Variants in MOB1B observed in about 807,000 individuals in gnomAD.
MOB1B encodes the protein MOB1 Mps One Binder homolog B.
Under a neutral mutation model 24.4 loss-of-function variants are expected in MOB1B, and 19 were observed. The observed-to-expected ratio is 0.78, with a 90% CI of 0.54 to 1.14. The LOEUF (loss-of-function observed/expected upper bound fraction) is 1.14, where lower values mean the gene tolerates loss of function less well. Among genes scored for constraint, MOB1B ranks in the 50% most tolerant of loss-of-function variants. The pLI, the probability that MOB1B is intolerant of heterozygous loss-of-function variation, is 0.00. For missense variants in MOB1B, 243 were observed against 259.6 expected (o/e 0.94, Z 0.44); for synonymous variants, 76 against 82.1 (o/e 0.93, Z 0.40).
intron 1 of MOB1B, among the ~76,000 whole-genome samples, chr4:70,933,923 A>T (rs1053768741): frequency 1.3e-5 from 2 of 151,354 alleles, no homozygotes; most frequent in African/African-American, 2.4e-5. Flanking sequence ...GCAGTGGCTC[A>T]CGCCTGTAAT....
chr4:70,929,765 C>T (rs1161434655), intron 1 of MOB1B, among the ~76,000 whole-genome samples: 4 of 152,140 alleles, frequency 2.6e-5, no homozygotes, highest in Non-Finnish European at 4.4e-5. Flanking sequence ...CCTGCCTCAG[C>T]CTCCCGAGTA....
rs544490596 is a variant in MOB1B at position 70,940,837 on chromosome 4, C to T, written c.15-18037C>T. Among the ~76,000 whole-genome samples the T allele has an allele frequency of 3.4e-3, 513 of 152,058 alleles. 5 individuals carry two copies. Among genetic ancestry groups the T allele is most frequent in the Middle Eastern group, 6.8e-3 (2 of 292 alleles). On this transcript the variant is annotated intron_variant, in intron 1 of 5. Transcript: ENST00000309395. ...GATTACAGGCATGCACCACCACGCC[C>T]GGCTAATTTTGTATTTTTAGTAGAG...
intron 4 of MOB1B, among the ~76,000 whole-genome samples, chr4:70,977,033 G>C (rs1739035302): frequency 1.3e-5 from 2 of 151,644 alleles, no homozygotes; most frequent in African/African-American, 4.9e-5. Flanking sequence ...TTCCTAAACT[G>C]TTTGAGAGTA....
rs573821634 is a variant in MOB1B at position 70,959,638 on chromosome 4, C to G, written c.181+598C>G. Among the ~76,000 whole-genome samples the G allele has an allele frequency of 1.8e-4, 27 of 152,318 alleles. No homozygotes were observed. In the South Asian group the frequency reaches 4.4e-3, roughly 25 times the overall value. ...TGTCAAACACTGTATAGACATACCA[C>G]TCTCCTTTCTACGTGGATGATTTTA... is the stretch of plus-strand genomic sequence containing the variant. On this transcript the variant is annotated intron_variant, in intron 2 of 5. Coordinates refer to ENST00000309395, the MANE Select transcript of MOB1B (RefSeq NM_173468.4).
intron 3 of MOB1B, among the ~76,000 whole-genome samples, chr4:70,973,700 A>G (rs146571207): frequency 6.6e-6 from 1 of 152,306 alleles, no homozygotes; most frequent in Non-Finnish European, 1.5e-5. Flanking sequence ...AAACAGTAAA[A>G]ACAGGATATC....
upstream of MOB1B, among the ~76,000 whole-genome samples, chr4:70,902,159 C>T (rs1290168792): frequency 6.6e-6 from 1 of 152,188 alleles, no homozygotes; most frequent in Non-Finnish European, 1.5e-5. Flanking sequence ...GGCGTCGTCC[C>T]TAGCAGCAGA....
At chr4:70,918,603 T>G (rs1736290638) in intron 1 of MOB1B, among the ~76,000 whole-genome samples, 2 of 152,044 alleles carry the variant, frequency 1.3e-5, no homozygotes, top group South Asian at 4.2e-4. Flanking sequence ...CTTTGTCAGA[T>G]GAGTAGGTTG....
intron 1 of MOB1B, among the ~76,000 whole-genome samples, chr4:70,929,184 T>TTC (rs1360898321): frequency 0.015 from 95 of 6,460 alleles, no homozygotes; most frequent in Admixed American, 0.043. Flanking sequence ...CTTTCTTTCT[T>TTC]TTTTTTTTTT....
At chr4:70,966,941 A>G (rs1285532208) in intron 2 of MOB1B, among the ~76,000 whole-genome samples, 1 of 152,222 alleles carries the variant, frequency 6.6e-6, no homozygotes, top group Non-Finnish European at 1.5e-5. Context: ...GTATCACAAC[A>G]ATACATGCAG....
chr4:70,943,421 C>G (rs756447930), intron 1 of MOB1B, among the ~76,000 whole-genome samples: 1 of 152,120 alleles, frequency 6.6e-6, no homozygotes. Context: ...AAGATTAGCT[C>G]ACATCATTTC....
rs1440683173 is a variant in MOB1B, at chr4:70,975,270, A to G, written c.393A>G (p.Leu131=). ...WVQDQLDDET[L]FPSKIGVPFP... ...AGGACCAGTTGGATGATGAGACGTT[A>G]TTTCCATCAAAAATTGGTATAATTA... The change falls in exon 4 of 6, where the codon TTA becomes TTG. Residue 131 remains leucine, a synonymous_variant. Coordinates refer to ENST00000309395, the MANE Select transcript of MOB1B (RefSeq NM_173468.4). 1 of 1,612,916 alleles carries G rather than the reference A, an allele frequency of 6.2e-7. No individual in the cohort carries two copies. Among genetic ancestry groups the G allele is most frequent in the South Asian group, 1.1e-5 (1 of 90,832 alleles).
chr4:70,937,319 A>T (rs1737125962), intron 1 of MOB1B, among the ~76,000 whole-genome samples: 1 of 151,578 alleles, frequency 6.6e-6, no homozygotes, highest in African/African-American at 2.4e-5. Context: ...ACTTTTCCTA[A>T]ATTCATAATG....
intron 1 of MOB1B, among the ~76,000 whole-genome samples, chr4:70,955,517 C>T (rs1738007155): frequency 7.9e-6 from 1 of 127,090 alleles, no homozygotes; most frequent in Non-Finnish European, 1.6e-5. Flanking sequence ...GTCATCCAGG[C>T]TGGAGTGCAA....
intron 1 of MOB1B, among the ~76,000 whole-genome samples, chr4:70,954,269 T>C (rs1048107169): frequency 1.3e-5 from 2 of 152,322 alleles, no homozygotes; most frequent in South Asian, 4.1e-4. Flanking sequence ...ATGTTGCATA[T>C]ATCCTCTCAT....
intron 3 of MOB1B, among the ~76,000 whole-genome samples, chr4:70,974,399 C>T (rs181910080): frequency 7.8e-4 from 118 of 152,256 alleles, no homozygotes; most frequent in African/African-American, 2.7e-3. Flanking sequence ...CCACCGTGCC[C>T]GGCCTCTTTT....
At chr4:70,935,541 C>T (rs1397539388) in intron 1 of MOB1B, among the ~76,000 whole-genome samples, 1 of 152,144 alleles carries the variant, frequency 6.6e-6, no homozygotes, top group African/African-American at 2.4e-5. Flanking sequence ...GATGGCTGTT[C>T]TAGGACTTCC....
At position 70,969,988 on chromosome 4, in the gene MOB1B, C is replaced by T. The variant is rs376624270; in HGVS notation, c.239C>T (p.Thr80Ile). The T allele has an allele frequency of 5.0e-6, 8 of 1,605,800 alleles. No individual in the cohort carries two copies. The highest frequency in any genetic ancestry group is 1.6e-4 in the Middle Eastern group (1 of 6,072). Residue 80 changes from threonine (T) to isoleucine (I), a missense_variant, in exon 3 of 6, where the codon ACA (threonine) becomes ATA (isoleucine). Coordinates refer to ENST00000309395, the MANE Select transcript of MOB1B (RefSeq NM_173468.4). ...TATGGAACTATCACAGACTTCTGTACAGAAGAGAGTTGTCCAGTGATGTCA... is the reference window on the plus strand; with the variant it reads ...TATGGAACTATCACAGACTTCTGTATAGAAGAGAGTTGTCCAGTGATGTCA... ...MLYGTITDFC[T>I]EESCPVMSAG...
intron 1 of MOB1B, 112 bp downstream of exon 1, chr4:70,902,662 C>T (rs1735562662): frequency 1.9e-6 from 2 of 1,051,198 alleles, no homozygotes; most frequent in Non-Finnish European, 1.3e-6. Flanking sequence ...CCCAGCGCTC[C>T]CGGGGCCCGG....
Position 70,929,803 on chromosome 4 carries a change from G to A in MOB1B, c.14+27253G>A, listed in dbSNP as rs549419858. Among the ~76,000 whole-genome samples, 24 of 152,192 alleles carry A rather than the reference G, an allele frequency of 1.6e-4. No individual in the cohort carries two copies. In the East Asian group the frequency reaches 2.7e-3, roughly 17 times the overall value. ...TGGGACTACAGGCACCCGCCACTGC[G>A]CCCAGCTAATTTTTTGTATTTTTAG... On this transcript the variant is annotated intron_variant, in intron 1 of 5. Coordinates refer to ENST00000309395, the MANE Select transcript of MOB1B (RefSeq NM_173468.4).
Sources: allele counts gnomAD v4.1 joint callset (sites outside exome capture counted in the v4.1 genomes callset), GRCh38; gene constraint gnomAD v4.1.1; transcripts MANE v1.5; gene names NCBI Gene and HGNC (gene_info 2026-07-23, HGNC 2026-07-21).